GPM6A: variants seen among roughly 807,000 people sequenced by gnomAD.
GPM6A encodes neuronal membrane glycoprotein M6-a.
GPM6A carries 7 observed loss-of-function variants against 32.1 expected under a neutral mutation model. The ratio of observed to expected loss-of-function variants is 0.22; its 90% CI spans 0.12 to 0.41. The LOEUF (loss-of-function observed/expected upper bound fraction) is 0.41, where lower values mean the gene tolerates loss of function less well. Among genes scored for constraint, GPM6A ranks in the 10% least tolerant of loss-of-function variants. GPM6A has a pLI of 1.00. For synonymous variants in GPM6A, 130 were observed against 123.4 expected, an observed-to-expected ratio of 1.05 and a Z score of -0.35; for missense variants, 235 against 347.2, an observed-to-expected ratio of 0.68 and a Z score of 2.57.
intron 1 of GPM6A, among the ~76,000 whole-genome samples, chr4:175,913,008 A>AT (rs1189280926): frequency 6.6e-6 from 1 of 152,222 alleles, no homozygotes; most frequent in Non-Finnish European, 1.5e-5. Context: ...ATACATACGT[A>AT]TATGGCAAAC....
intron 1 of GPM6A, among the ~76,000 whole-genome samples, chr4:175,901,628 C>CTTTTTTTTTTTTTCT (rs59461626): frequency 1.1e-4 from 14 of 126,994 alleles, no homozygotes; most frequent in East Asian, 6.8e-4. Flanking sequence ...TTTTCTTTTT[C>CTTTTTTTTTTTTTCT]TTTTTTTTTT....
chr4:175,835,649 A>ATATATG (rs539818650), intron 1 of GPM6A, among the ~76,000 whole-genome samples: 320 of 143,334 alleles, frequency 2.2e-3, no homozygotes, highest in African/African-American at 7.3e-3. Flanking sequence ...ATATATATAT[A>ATATATG]TGCTTGTATG....
intron 3 of GPM6A, among the ~76,000 whole-genome samples, chr4:175,665,722 CAGTG>C (rs1284065187): frequency 1.3e-5 from 2 of 150,526 alleles, no homozygotes; most frequent in African/African-American, 4.9e-5. Context: ...GTGGAGGTGA[CAGTG>C]AGCAGAGATC....
At chr4:175,994,036 G>T (rs1480577231) in intron 1 of GPM6A, among the ~76,000 whole-genome samples, 1 of 152,166 alleles carries the variant, frequency 6.6e-6, no homozygotes, top group Non-Finnish European at 1.5e-5. Context: ...AGAGAGAAAG[G>T]AGAGTTTTGA....
intron 1 of GPM6A, among the ~76,000 whole-genome samples, chr4:175,852,730 G>T (rs370789455): frequency 6.6e-6 from 1 of 152,268 alleles, no homozygotes; most frequent in African/African-American, 2.4e-5. Flanking sequence ...TTAATACTCT[G>T]CTGCCTTTAA....
chr4:175,734,427 A>G (rs146436942), intron 1 of GPM6A, among the ~76,000 whole-genome samples: 42 of 152,274 alleles, frequency 2.8e-4, no homozygotes, highest in Non-Finnish European at 1.9e-4. Context: ...ATTGGCCACA[A>G]TGAGTAGTGA....
At chr4:175,945,689 CTT>C (rs142411634) in intron 1 of GPM6A, among the ~76,000 whole-genome samples, 23,374 of 147,484 alleles carry the variant, frequency 0.16, 2,209 homozygotes, top group Non-Finnish European at 0.2. Context: ...AGTAATATAA[CTT>C]ATATTACTTG....
intron 1 of GPM6A, among the ~76,000 whole-genome samples, chr4:175,758,866 A>C (rs926810545): frequency 2.0e-5 from 3 of 152,160 alleles, no homozygotes; most frequent in Admixed American, 6.6e-5. Context: ...AGGGATTGCA[A>C]CATCAAGTTT....
intron 1 of GPM6A, among the ~76,000 whole-genome samples, chr4:175,831,624 C>T (rs1201451552): frequency 6.6e-6 from 1 of 151,890 alleles, no homozygotes; most frequent in Non-Finnish European, 1.5e-5. Context: ...CTAGGGAGTC[C>T]CCTGCAATTT....
At chr4:175,644,354 T>C (rs890427108) in intron 4 of GPM6A, among the ~76,000 whole-genome samples, 1 of 152,010 alleles carries the variant, frequency 6.6e-6, no homozygotes, top group Non-Finnish European at 1.5e-5. Flanking sequence ...AGGCAAGAAG[T>C]GAGGTTGCTG....
chr4:175,752,912 G>C (rs1732392321), intron 1 of GPM6A, among the ~76,000 whole-genome samples: 1 of 152,156 alleles, frequency 6.6e-6, no homozygotes, highest in African/African-American at 2.4e-5. Flanking sequence ...GGTTCGAAAG[G>C]AAAACGTCAT....
chr4:175,858,357 C>T (rs564486725), intron 1 of GPM6A, among the ~76,000 whole-genome samples: 19 of 152,080 alleles, frequency 1.2e-4, no homozygotes, highest in Non-Finnish European at 2.8e-4. Flanking sequence ...CACAAAGAAA[C>T]CCCGTCTCTA....
intron 3 of GPM6A, among the ~76,000 whole-genome samples, chr4:175,666,543 T>C (rs1742765277): frequency 6.6e-6 from 1 of 152,162 alleles, no homozygotes; most frequent in Non-Finnish European, 1.5e-5. Flanking sequence ...AGGCATACGA[T>C]TTCTGGTTGA....
intron 4 of GPM6A, among the ~76,000 whole-genome samples, chr4:175,644,746 T>G (rs1002801616): frequency 6.6e-6 from 1 of 152,086 alleles, no homozygotes; most frequent in African/African-American, 2.4e-5. Flanking sequence ...TATGGAAAAG[T>G]TTTTAGCTGA....
intron 1 of GPM6A, among the ~76,000 whole-genome samples, chr4:175,942,856 T>C (rs1417523769): frequency 1.3e-5 from 2 of 152,234 alleles, no homozygotes; most frequent in Non-Finnish European, 2.9e-5. Context: ...GTCTTGGCTG[T>C]ACAGGTTCTT....
In GPM6A at chr4:175,659,205, C is replaced by T. The variant is rs28587215; in HGVS notation, c.388-7218G>A. On this transcript the variant is annotated intron_variant, in intron 3 of 6. Coordinates refer to ENST00000393658, the MANE Select transcript of GPM6A (RefSeq NM_201591.3). ...TCAAGCGACTCTCTTGCCTCAGCCT[C>T]TAGAGTAGCTGGGACTACAGGTGCA... Among the ~76,000 whole-genome samples, 504 of 151,960 alleles carry T rather than the reference C, an allele frequency of 3.3e-3. 5 individuals are homozygous for T. The highest frequency in any genetic ancestry group is 0.012 in the African/African-American group (487 of 41,442).
At chr4:175,991,913 T>C (rs1286225701) in intron 1 of GPM6A, among the ~76,000 whole-genome samples, 1 of 152,144 alleles carries the variant, frequency 6.6e-6, no homozygotes, top group Non-Finnish European at 1.5e-5. Context: ...TGTAAAATGA[T>C]TCCTTTTAAA....
At chr4:175,865,897 T>A (rs1736719542) in intron 1 of GPM6A, among the ~76,000 whole-genome samples, 1 of 152,146 alleles carries the variant, frequency 6.6e-6, no homozygotes, top group Admixed American at 6.6e-5. Context: ...TGGCGTTACA[T>A]CCTCCTTAAA....
At chr4:175,970,999 T>C (rs1485751352) in intron 1 of GPM6A, 1 of 415,254 alleles carries the variant, frequency 2.4e-6, no homozygotes, top group Non-Finnish European at 4.7e-6. Flanking sequence ...GGGAATTCAG[T>C]GAAAGTTGCA....
Sources: allele counts gnomAD v4.1 joint callset (sites outside exome capture counted in the v4.1 genomes callset), GRCh38; gene constraint gnomAD v4.1.1; transcripts MANE v1.5; gene names NCBI Gene and HGNC (gene_info 2026-07-23, HGNC 2026-07-21).